IL1RAPL1: variants seen among roughly 807,000 people sequenced by gnomAD.
IL1RAPL1 encodes interleukin 1 receptor accessory protein like 1.
In IL1RAPL1, 3 loss-of-function variants were observed where a neutral mutation model predicts 48.4. The ratio of observed to expected loss-of-function variants is 0.06; its 90% CI spans 0.03 to 0.16. The LOEUF (loss-of-function observed/expected upper bound fraction) is 0.16. Among genes scored for constraint, IL1RAPL1 ranks in the 10% least tolerant of loss-of-function variants. The probability of loss-of-function intolerance (pLI) is 1.00; values close to 1 mark genes in which losing one functional copy is unlikely to be tolerated. For synonymous variants in IL1RAPL1, 185 were observed against 187.7 expected (o/e 0.99, Z 0.12); for missense variants, 349 against 530.6 (o/e 0.66, Z 3.36).
chrX:29,782,092 G>A (rs181545959), intron 6 of IL1RAPL1, among the ~76,000 whole-genome samples: 123 of 74,254 alleles, frequency 1.7e-3, no homozygotes, highest in African/African-American at 5.2e-3. Context: ...CTGTCTGTCT[G>A]TCTGTCTGTC....
chrX:29,398,529 T>C (rs1443885740), intron 4 of IL1RAPL1, among the ~76,000 whole-genome samples: 1 of 111,996 alleles, frequency 8.9e-6, no homozygotes, highest in Non-Finnish European at 1.9e-5. Flanking sequence ...AACAGATATT[T>C]ATGGAACTCT....
At position 29,631,536 on chromosome X, in the gene IL1RAPL1, C is replaced by G. The variant is rs142541435; in HGVS notation, c.704-36894C>G. Among the ~76,000 whole-genome samples the G allele has an allele frequency of 4.3e-3, 483 of 112,268 alleles. 3 individuals are homozygous for G. The highest frequency in any genetic ancestry group is 6.5e-3 in the Admixed American group (69 of 10,600). Reference sequence around the variant, plus strand: ...GTTCGGGCATTCTGCCTGCCTCGGCCCCCACAAAGTTCTGGGATTACAGGC... The same window carrying G: ...GTTCGGGCATTCTGCCTGCCTCGGCGCCCACAAAGTTCTGGGATTACAGGC... On this transcript the variant is annotated intron_variant, in intron 5 of 10. Coordinates refer to ENST00000378993, the MANE Select transcript of IL1RAPL1 (RefSeq NM_014271.4).
intron 2 of IL1RAPL1, among the ~76,000 whole-genome samples, chrX:29,207,082 G>A (rs978074522): frequency 2.7e-5 from 3 of 111,277 alleles, no homozygotes; most frequent in African/African-American, 6.5e-5. Context: ...GTGGGGGCAG[G>A]GGGGAGGATT....
At chrX:29,138,920 C>G (rs1196739740) in intron 2 of IL1RAPL1, among the ~76,000 whole-genome samples, 1 of 111,264 alleles carries the variant, frequency 9.0e-6, no homozygotes, top group Non-Finnish European at 1.9e-5. Context: ...TGAATAATAA[C>G]AAATAGAAGT....
At chrX:29,229,742 G>T (rs958794935) in intron 2 of IL1RAPL1, among the ~76,000 whole-genome samples, 3 of 112,321 alleles carry the variant, frequency 2.7e-5, no homozygotes, top group Non-Finnish European at 5.6e-5. Context: ...AGCTCTGCTT[G>T]TTAAGGAAGA....
intron 6 of IL1RAPL1, among the ~76,000 whole-genome samples, chrX:29,715,453 C>T (rs1400670863): frequency 9.0e-6 from 1 of 111,580 alleles, no homozygotes; most frequent in African/African-American, 3.3e-5. Flanking sequence ...TTATTATTCC[C>T]TGAAGGCTCT....
intron 6 of IL1RAPL1, among the ~76,000 whole-genome samples, chrX:29,905,915 T>TAAAGA (rs1491486362): frequency 9.0e-6 from 1 of 110,961 alleles, no homozygotes; most frequent in Non-Finnish European, 1.9e-5. Context: ...TTACACAGAT[T>TAAAGA]AAAGAAATGT....
chrX:29,523,947 C>T (rs545933012), intron 5 of IL1RAPL1, among the ~76,000 whole-genome samples: 2 of 110,825 alleles, frequency 1.8e-5, no homozygotes, highest in South Asian at 7.5e-4. Flanking sequence ...AGTGTTTATT[C>T]ATATGCTGTT....
chrX:28,733,455 A>C (rs1935781096), intron 1 of IL1RAPL1, among the ~76,000 whole-genome samples: 1 of 110,647 alleles, frequency 9.0e-6, no homozygotes, highest in Non-Finnish European at 1.9e-5. Context: ...CAACTAAACT[A>C]TTCCTACCAA....
At chrX:29,273,607 C>T (rs769730380) in intron 2 of IL1RAPL1, among the ~76,000 whole-genome samples, 7 of 111,991 alleles carry the variant, frequency 6.3e-5, no homozygotes, top group Admixed American at 2.8e-4. Flanking sequence ...TGTGCTCACT[C>T]GGGTGTGCCA....
At chrX:28,969,928 CATAT>C (rs755530854) in intron 2 of IL1RAPL1, among the ~76,000 whole-genome samples, 1 of 109,828 alleles carries the variant, frequency 9.1e-6, no homozygotes, top group South Asian at 3.9e-4. Context: ...TTTCTAAACA[CATAT>C]ATATGTTTCT....
chrX:29,675,040 T>C (rs1443686855), intron 6 of IL1RAPL1, among the ~76,000 whole-genome samples: 2 of 112,535 alleles, frequency 1.8e-5, no homozygotes, highest in Non-Finnish European at 3.8e-5. Flanking sequence ...TATGCATTCA[T>C]GTGTCTTTAT....
chrX:29,504,401 T>C (rs142123524), intron 5 of IL1RAPL1, among the ~76,000 whole-genome samples: 1,172 of 111,919 alleles, frequency 0.01, 11 homozygotes, highest in African/African-American at 0.037. Context: ...ATTTTCTGTC[T>C]GGATGATCTG....
intron 1 of IL1RAPL1, among the ~76,000 whole-genome samples, chrX:28,619,469 T>A (rs1009820957): frequency 1.0e-4 from 11 of 108,329 alleles, no homozygotes; most frequent in Non-Finnish European, 1.9e-4. Flanking sequence ...TTAGCCGGCA[T>A]AGTGGCACAT....
At chrX:29,929,929 T>G (rs994560590) in intron 8 of IL1RAPL1, among the ~76,000 whole-genome samples, 1 of 111,828 alleles carries the variant, frequency 8.9e-6, no homozygotes, top group Non-Finnish European at 1.9e-5. Flanking sequence ...TGAAAGCAAC[T>G]TAAAGAAATA....
intron 2 of IL1RAPL1, among the ~76,000 whole-genome samples, chrX:28,873,679 C>G (rs1232739335): frequency 1.9e-5 from 2 of 107,655 alleles, no homozygotes; most frequent in Non-Finnish European, 3.8e-5. Context: ...CTACAGGAGC[C>G]CGCCACCACA....
At chrX:29,214,906 C>CT (rs1419674053) in intron 2 of IL1RAPL1, among the ~76,000 whole-genome samples, 1 of 111,926 alleles carries the variant, frequency 8.9e-6, no homozygotes, top group Non-Finnish European at 1.9e-5. Context: ...GGAGTACAAA[C>CT]TTTTTTCTAA....
chrX:29,093,365 A>G (rs755439876), intron 2 of IL1RAPL1, among the ~76,000 whole-genome samples: 539 of 110,742 alleles, frequency 4.9e-3, no homozygotes, highest in Non-Finnish European at 7.5e-3. Context: ...TTACTTTTAA[A>G]TGACCAGAAT....
chrX:29,300,107 C>A (rs192408126), intron 3 of IL1RAPL1, among the ~76,000 whole-genome samples: 2 of 111,932 alleles, frequency 1.8e-5, no homozygotes, highest in South Asian at 3.7e-4. Context: ...TTTCGTACAG[C>A]CTTCAAAACT....
Sources: allele counts gnomAD v4.1 joint callset (sites outside exome capture counted in the v4.1 genomes callset), GRCh38; gene constraint gnomAD v4.1.1; transcripts MANE v1.5; gene names NCBI Gene and HGNC (gene_info 2026-07-23, HGNC 2026-07-21).